The following SNIP1 variants were observed in gnomAD, a reference collection of about 807,000 sequenced individuals.
SNIP1 encodes the protein smad nuclear-interacting protein 1.
Under a neutral mutation model 37.4 loss-of-function variants are expected in SNIP1, and 23 were observed. The observed-to-expected ratio is 0.61, with a 90% CI of 0.44 to 0.87. SNIP1 has a LOEUF of 0.87. Ranked by LOEUF, SNIP1 falls within the 40% of genes least tolerant of loss-of-function variation. SNIP1 has a pLI of 0.00. For synonymous variants in SNIP1, 174 were observed against 200.0 expected (o/e 0.87, Z 1.10); for missense variants, 459 against 540.4 (o/e 0.85, Z 1.49).
chr1:37,549,982 T>C (rs1407030226), intron 2 of SNIP1, among the ~76,000 whole-genome samples: 1 of 152,032 alleles, frequency 6.6e-6, no homozygotes, highest in Non-Finnish European at 1.5e-5. Context: ...AAGTAATTCA[T>C]TGGAGGAAAG....
rs1282317327 is a variant in SNIP1 at position 37,540,126 on chromosome 1, A to C, written c.926+31T>G. On this transcript the variant is annotated intron_variant, in intron 3 of 3. Transcript: ENST00000296215. The surrounding 1 kb of genome is among the most constrained non-coding windows in gnomAD (Gnocchi z 5.6). ...CCTAACTGAGTGATTGTTTCTGCTC[A>C]CATTACAGTTTCTTCCTCCATGTTA... The C allele has an allele frequency of 5.2e-6, 8 of 1,526,416 alleles. No homozygotes were observed. Among genetic ancestry groups the C allele is most frequent in the Non-Finnish European group, 7.1e-6 (8 of 1,129,466 alleles). The allele number at this position is 1,526,416 out of a possible 1,614,324, so 94.6% of individuals were successfully genotyped here. A position where few individuals can be genotyped will look rare whatever the true frequency, so the allele number is the denominator to read the frequency against.
chr1:37,552,239 G>A (rs905854086), intron 2 of SNIP1, among the ~76,000 whole-genome samples: 1 of 152,234 alleles, frequency 6.6e-6, no homozygotes, highest in Non-Finnish European at 1.5e-5. Flanking sequence ...TGGGAGATAA[G>A]TGGGTTTGGC....
intron 1 of SNIP1, 73 bp downstream of exon 1, chr1:37,553,933 T>G (rs1570032271): frequency 6.7e-7 from 1 of 1,483,142 alleles, no homozygotes. Flanking sequence ...AAAACCTGTT[T>G]CGGACGCTAG....
chr1:37,551,185 G>A (rs1269707385), intron 2 of SNIP1, among the ~76,000 whole-genome samples: 7 of 148,096 alleles, frequency 4.7e-5, no homozygotes, highest in Admixed American at 1.4e-4. Flanking sequence ...CAGGAGAATC[G>A]TTTGAACTCA....
At chr1:37,539,172 A>G (rs938612010) in intron 3 of SNIP1, among the ~76,000 whole-genome samples, 8 of 152,222 alleles carry the variant, frequency 5.3e-5, no homozygotes, top group Non-Finnish European at 1.2e-4. Context: ...ACAATGTGAT[A>G]GTATTAGAAA....
In SNIP1 at chr1:37,540,582, T is replaced by C; in HGVS notation, c.501A>G (p.Arg167=). The C allele has an allele frequency of 6.2e-7, 1 of 1,614,074 alleles. No homozygotes were observed. Among genetic ancestry groups the C allele is most frequent in the Non-Finnish European group, 8.5e-7 (1 of 1,180,024 alleles). Residue 167 remains arginine (R), a synonymous_variant, in exon 3 of 4, where the codon CGA becomes CGG. Transcript: ENST00000296215. The surrounding 1 kb of genome is among the most constrained non-coding windows in gnomAD (Gnocchi z 5.6). ...CCTGAGCCTGCAGGTTCTGAGTGTC[T>C]CGATCCCGTCCCTGACCCTGCCCAC... ...PGSGQGQGRD[R]DTQNLQAQEE...
At chr1:37,546,150 C>CG (rs1643234193) in intron 2 of SNIP1, among the ~76,000 whole-genome samples, 2 of 131,316 alleles carry the variant, frequency 1.5e-5, no homozygotes, top group Admixed American at 1.5e-4. Context: ...CTAAGACCCC[C>CG]CCCCCCCCCG....
chr1:37,540,917 T>G lies in SNIP1; in HGVS notation c.328-162A>C. On this transcript the variant is annotated intron_variant, in intron 2 of 3. Transcript: ENST00000296215. This position sits in a 1 kb window ranked among gnomAD's most constrained non-coding sequence, Gnocchi z 5.6. Reference sequence around the variant, plus strand: ...GAAATAAGATTATGTCTGGTGGTTATGTTCCCTCGCAAGGCCACAAAGATG... The same window carrying G: ...GAAATAAGATTATGTCTGGTGGTTAGGTTCCCTCGCAAGGCCACAAAGATG... 1.5e-6 allele frequency: 1 copy of G among 653,518 alleles called. No individual in the cohort carries two copies. Among genetic ancestry groups the G allele is most frequent in the East Asian group, 2.8e-5 (1 of 36,342 alleles). The allele number at this position is 653,518 out of a possible 1,614,324, so 40.5% of individuals were successfully genotyped here. A position where few individuals can be genotyped will look rare whatever the true frequency, so the allele number is the denominator to read the frequency against.
Position 37,540,481 on chromosome 1 carries a change from T to C in SNIP1, c.602A>G (p.Glu201Gly). Reference protein sequence around the residue: ...QRNDVGGGGSESQELVPRPGG... With the variant: ...QRNDVGGGGSGSQELVPRPGG... Reference sequence around the variant, plus strand: ...AGGCCGAGGAACCAACTCCTGAGACTCACTGCCGCCACCACCAACGTCATT... The same window carrying C: ...AGGCCGAGGAACCAACTCCTGAGACCCACTGCCGCCACCACCAACGTCATT... The change falls in exon 3 of 4, where the codon GAG (glutamate) becomes GGG (glycine). Residue 201 changes from glutamate to glycine, a missense_variant. Physicochemically the swap from Glu to Gly is moderately conservative, Grantham distance 98. Transcript: ENST00000296215. This position sits in a 1 kb window ranked among gnomAD's most constrained non-coding sequence, Gnocchi z 5.6. 1.2e-6 allele frequency: 2 copies of C among 1,614,096 alleles called. No individual in the cohort carries two copies. The highest frequency in any genetic ancestry group is 2.2e-5 in the South Asian group (2 of 91,074).
chr1:37,543,785 A>G (rs1570022097), intron 2 of SNIP1, among the ~76,000 whole-genome samples: 1 of 152,168 alleles, frequency 6.6e-6, no homozygotes, highest in East Asian at 1.9e-4. Context: ...CTCAAATACT[A>G]AAGAATACTA....
At chr1:37,544,649 C>T (rs1643210288) in intron 2 of SNIP1, 11 of 492,680 alleles carry the variant, frequency 2.2e-5, no homozygotes, top group South Asian at 2.1e-4. Context: ...TCCGGCTGGC[C>T]GCCCATAGCT....
chr1:37,552,583 C>T, intron 2 of SNIP1, 62 bp downstream of exon 2: 1 of 1,347,316 alleles, frequency 7.4e-7, no homozygotes, highest in South Asian at 1.2e-5. Context: ...ACACATTCCT[C>T]TTTAGCTGTG....
intron 2 of SNIP1, chr1:37,544,790 T>G: frequency 1.4e-6 from 1 of 740,004 alleles, no homozygotes; most frequent in East Asian, 2.5e-5. Context: ...CCCTCGCAGG[T>G]GCGCCAGAAC....
At position 37,535,760 on chromosome 1, in the gene SNIP1, T is replaced by C. The variant is rs1643083678; in HGVS notation, c.*1988A>G. Reference sequence around the variant, plus strand: ...ATATGATCTATGGCACATACCAAAATGAAGAAAATAGCAGTTACAGTGGCC... The same window carrying C: ...ATATGATCTATGGCACATACCAAAACGAAGAAAATAGCAGTTACAGTGGCC... On this transcript the variant is annotated 3_prime_UTR_variant, in exon 4 of 4. Coordinates refer to ENST00000296215, the MANE Select transcript of SNIP1 (RefSeq NM_024700.4). 6.6e-6 allele frequency: 1 copy of C among 151,436 alleles called. No homozygotes were observed. Among genetic ancestry groups the C allele is most frequent in the Non-Finnish European group, 1.5e-5 (1 of 67,956 alleles). The allele number at this position is 151,436 out of a possible 1,614,324, so 9.4% of individuals were successfully genotyped here. A position where few individuals can be genotyped will look rare whatever the true frequency, so the allele number is the denominator to read the frequency against.
rs555780465 is a variant in SNIP1, at chr1:37,546,641, T to C, written c.328-5886A>G. Among the ~76,000 whole-genome samples the C allele has an allele frequency of 4.6e-5, 7 of 152,052 alleles. 1 individual carries two copies. The South Asian group carries it at 1.5e-3, about 32-fold the overall frequency. On this transcript the variant is annotated intron_variant, in intron 2 of 3. Coordinates refer to ENST00000296215, the MANE Select transcript of SNIP1 (RefSeq NM_024700.4). ...GTGAGCCAAGATTGCACCACTGCAC[T>C]CCAGCCTGGGTGACGGAGTGAGACT...
chr1:37,540,744 A>T lies in SNIP1; in HGVS notation c.339T>A (p.Asp113Glu), dbSNP rs140026823. ...GATCCTCCCGTCCTCTCCGGGGATG[A>T]TCCTCACGCTCCTAAAATTCAAACA... ...STVKVKQERE[D>E]HPRRGREDRQ... The change falls in exon 3 of 4, where the codon GAT (aspartate) becomes GAA (glutamate). Residue 113 changes from aspartate (D) to glutamate (E), a missense_variant. Transcript: ENST00000296215. This position sits in a 1 kb window ranked among gnomAD's most constrained non-coding sequence, Gnocchi z 5.6. The T allele has an allele frequency of 3.5e-5, 56 of 1,596,670 alleles. No individual in the cohort carries two copies. In the African/African-American group the frequency reaches 7.0e-4, roughly 20 times the overall value.
rs866666013 is a variant in SNIP1, at chr1:37,546,150, C to T, written c.328-5395G>A. Among the ~76,000 whole-genome samples the T allele has an allele frequency of 6.9e-5, 9 of 131,362 alleles. 1 individual carries two copies. The highest frequency in any genetic ancestry group is 4.7e-4 in the South Asian group (2 of 4,274). 86.2% of individuals were successfully genotyped at this position (131,362 alleles called of 152,430 possible). ...GTGGAAGCACTGGGACTAAGACCCCCCCCCCCCCCGCTCCCTGCCATACAC... is the reference window on the plus strand; with the variant it reads ...GTGGAAGCACTGGGACTAAGACCCCTCCCCCCCCCGCTCCCTGCCATACAC... On this transcript the variant is annotated intron_variant, in intron 2 of 3. Transcript: ENST00000296215.
intron 3 of SNIP1, among the ~76,000 whole-genome samples, chr1:37,539,811 C>T (rs1381332571): frequency 6.6e-6 from 1 of 152,176 alleles, no homozygotes; most frequent in Non-Finnish European, 1.5e-5. Flanking sequence ...ATTAGCTGGG[C>T]ACAGAGGCAC....
intron 2 of SNIP1, among the ~76,000 whole-genome samples, chr1:37,550,048 CA>C (rs1643283595): frequency 6.6e-6 from 1 of 151,208 alleles, no homozygotes; most frequent in African/African-American, 2.4e-5. Context: ...GCAAAAAAAA[CA>C]AAAACAAAAC....
Sources: gnomAD v4.1 joint callset for allele counts (sites outside exome capture counted in the v4.1 genomes callset) on GRCh38, gnomAD v4.1.1 for gene constraint, Gnocchi (gnomAD v3.1) non-coding constraint, MANE v1.5 for transcripts, NCBI Gene and HGNC (gene_info 2026-07-23, HGNC 2026-07-21) for gene names.